The following EXOC4 variants were observed in gnomAD, a reference collection of about 807,000 sequenced individuals.
The protein encoded by EXOC4 is SEC8-like 1.
In EXOC4, 71 loss-of-function variants were observed where a neutral mutation model predicts 107.2. That is an observed-to-expected ratio of 0.66 (90% confidence interval 0.55 to 0.81). The LOEUF is 0.81. Among genes scored for constraint, EXOC4 ranks in the 30% least tolerant of loss-of-function variants. The pLI is 0.00. For synonymous variants in EXOC4, 456 were observed against 441.2 expected (o/e 1.03, Z -0.42); for missense variants, 1,108 against 1,189.6 (o/e 0.93, Z 1.01).
intron 10 of EXOC4, among the ~76,000 whole-genome samples, chr7:133,744,602 C>G (rs1482409374): frequency 2.6e-5 from 4 of 152,144 alleles, no homozygotes; most frequent in Admixed American, 6.6e-5. Flanking sequence ...GATGAGGAAG[C>G]ACAGATAGTA....
chr7:133,276,033 G>A (rs1007014167), intron 2 of EXOC4, among the ~76,000 whole-genome samples: 2 of 151,982 alleles, frequency 1.3e-5, no homozygotes, highest in Non-Finnish European at 2.9e-5. Context: ...GTTTTATTTT[G>A]TAGTTTTCAT....
chr7:133,936,182 C>G (rs1800294939), intron 13 of EXOC4, among the ~76,000 whole-genome samples: 1 of 152,158 alleles, frequency 6.6e-6, no homozygotes, highest in Admixed American at 6.5e-5. Flanking sequence ...TGGTGCACAC[C>G]CACATTCCAT....
At chr7:133,461,856 G>C (rs1584935530) in intron 7 of EXOC4, among the ~76,000 whole-genome samples, 1 of 152,272 alleles carries the variant, frequency 6.6e-6, no homozygotes, top group East Asian at 1.9e-4. Flanking sequence ...GAGATACAAA[G>C]AAAAGACCTG....
At chr7:133,983,097 A>C (rs1167666223) in intron 14 of EXOC4, among the ~76,000 whole-genome samples, 1 of 152,204 alleles carries the variant, frequency 6.6e-6, no homozygotes, top group Non-Finnish European at 1.5e-5. Flanking sequence ...TCATAGCAGA[A>C]GGAAAAGGGG....
At chr7:133,317,845 C>T (rs1198956264) in intron 5 of EXOC4, among the ~76,000 whole-genome samples, 1 of 152,006 alleles carries the variant, frequency 6.6e-6, no homozygotes, top group African/African-American at 2.4e-5. Context: ...CCATGCCCAG[C>T]TAATTTTTGT....
chr7:133,981,834 C>G (rs1236908987), intron 14 of EXOC4, among the ~76,000 whole-genome samples: 1 of 152,082 alleles, frequency 6.6e-6, no homozygotes, highest in African/African-American at 2.4e-5. Context: ...TTCACAATAG[C>G]AAAGACATGG....
chr7:134,053,802 T>TC (rs1160610245), intron 17 of EXOC4, among the ~76,000 whole-genome samples: 1 of 152,038 alleles, frequency 6.6e-6, no homozygotes, highest in Non-Finnish European at 1.5e-5. Context: ...TCCTGTCCCT[T>TC]TAATCCCATC....
At chr7:133,677,438 T>C (rs1323396928) in intron 10 of EXOC4, among the ~76,000 whole-genome samples, 1 of 152,158 alleles carries the variant, frequency 6.6e-6, no homozygotes, top group Non-Finnish European at 1.5e-5. Flanking sequence ...TTCTCAAATG[T>C]CAAATATATT....
chr7:133,932,849 G>A (rs1291547632), intron 13 of EXOC4, among the ~76,000 whole-genome samples: 1 of 152,014 alleles, frequency 6.6e-6, no homozygotes, highest in African/African-American at 2.4e-5. Flanking sequence ...TCTTAGGGCA[G>A]TTATCTCAGG....
At position 134,061,690 on chromosome 7, in the gene EXOC4, G is replaced by T. The variant is rs987986335; in HGVS notation, c.2688-2601G>T. On this transcript the variant is annotated intron_variant, in intron 17 of 17. Transcript: ENST00000253861. ...TTTTAAAAATGTATATTCTTAGGAA[G>T]TTCCATTAATAGACAACTCCCTCCA... is the stretch of plus-strand genomic sequence containing the variant. 2.0e-5 allele frequency among the ~76,000 whole-genome samples: 3 copies of T among 152,082 alleles called. No homozygotes were observed. The East Asian group carries it at 5.8e-4, about 29-fold the overall frequency.
intron 3 of EXOC4, among the ~76,000 whole-genome samples, chr7:133,304,531 A>C (rs576521295): frequency 1.2e-4 from 18 of 152,204 alleles, no homozygotes; most frequent in Non-Finnish European, 2.4e-4. Flanking sequence ...ATTTGATTAT[A>C]GCACATCACA....
At position 134,057,674 on chromosome 7, in the gene EXOC4, A is replaced by G. The variant is rs796810473; in HGVS notation, c.2688-6617A>G. Reference sequence around the variant, plus strand: ...TTGAGCTGAGATTACACTTGTTCAGAGTGTTTTCAAGTCAATTGCTACTGC... The same window carrying G: ...TTGAGCTGAGATTACACTTGTTCAGGGTGTTTTCAAGTCAATTGCTACTGC... On this transcript the variant is annotated intron_variant, in intron 17 of 17. Transcript: ENST00000253861. Among the ~76,000 whole-genome samples, 40 of 152,234 alleles carry G rather than the reference A, an allele frequency of 2.6e-4. 1 individual carries two copies. Among genetic ancestry groups the G allele is most frequent in the African/African-American group, 8.7e-4 (36 of 41,566 alleles).
chr7:133,531,736 C>T (rs1217703301), intron 9 of EXOC4, among the ~76,000 whole-genome samples: 3 of 152,134 alleles, frequency 2.0e-5, no homozygotes, highest in Non-Finnish European at 4.4e-5. Flanking sequence ...TGCTTCTTTG[C>T]AGTAAACCTT....
At chr7:133,742,888 G>A (rs888212258) in intron 10 of EXOC4, among the ~76,000 whole-genome samples, 5 of 152,114 alleles carry the variant, frequency 3.3e-5, no homozygotes, top group African/African-American at 7.2e-5. Flanking sequence ...CATCAAAAGA[G>A]GAACAAAGAA....
At chr7:133,272,316 A>C (rs1409267758) in intron 1 of EXOC4, among the ~76,000 whole-genome samples, 1 of 152,220 alleles carries the variant, frequency 6.6e-6, no homozygotes, top group Non-Finnish European at 1.5e-5. Context: ...ATCTGAAAGC[A>C]GACCAACCTG....
At chr7:133,823,075 C>T (rs1023232042) in intron 11 of EXOC4, among the ~76,000 whole-genome samples, 2 of 152,194 alleles carry the variant, frequency 1.3e-5, no homozygotes, top group African/African-American at 2.4e-5. Flanking sequence ...TTTTCTAATG[C>T]TCAGGCTTAA....
At chr7:133,929,222 C>T (rs1316893247) in intron 13 of EXOC4, among the ~76,000 whole-genome samples, 1 of 152,056 alleles carries the variant, frequency 6.6e-6, no homozygotes, top group African/African-American at 2.4e-5. Context: ...TGAGCCACCA[C>T]GCCCGGTTAC....
At chr7:133,885,170 C>G (rs1799054631) in intron 11 of EXOC4, among the ~76,000 whole-genome samples, 1 of 151,988 alleles carries the variant, frequency 6.6e-6, no homozygotes. Context: ...AAAAATTAGC[C>G]AGGTGTGGTG....
intron 10 of EXOC4, among the ~76,000 whole-genome samples, chr7:133,799,151 A>G (rs781622354): frequency 6.6e-6 from 1 of 152,240 alleles, no homozygotes. Flanking sequence ...GTCTCTCAAC[A>G]TGGTAAATAT....
Sources: gnomAD v4.1 joint callset for allele counts (sites outside exome capture counted in the v4.1 genomes callset) on GRCh38, gnomAD v4.1.1 for gene constraint, MANE v1.5 for transcripts, NCBI Gene and HGNC (gene_info 2026-07-23, HGNC 2026-07-21) for gene names.